The following CHCHD6 variants were observed in gnomAD, a reference collection of about 807,000 sequenced individuals.
CHCHD6 encodes MICOS complex subunit MIC25.
Under a neutral mutation model 32.3 loss-of-function variants are expected in CHCHD6, and 28 were observed. The observed-to-expected ratio is 0.87, with a 90% confidence interval of 0.64 to 1.19. The LOEUF (loss-of-function observed/expected upper bound fraction) is 1.19, where lower values mean the gene tolerates loss of function less well. Ranked by LOEUF, CHCHD6 falls within the 50% of genes most tolerant of loss-of-function variation. The probability of loss-of-function intolerance (pLI) is 0.00; values close to 1 mark genes in which losing one functional copy is unlikely to be tolerated. For synonymous variants in CHCHD6, 122 were observed against 117.5 expected (o/e 1.04, Z -0.25); for missense variants, 333 against 307.0 (o/e 1.08, Z -0.63).
chr3:126,926,216 T>C (rs1216647662), intron 6 of CHCHD6, among the ~76,000 whole-genome samples: 1 of 152,220 alleles, frequency 6.6e-6, no homozygotes, highest in African/African-American at 2.4e-5. Context: ...CCAGGGACAA[T>C]ACATGGCTGC....
chr3:126,807,208 A>G (rs115717346), intron 4 of CHCHD6, among the ~76,000 whole-genome samples: 371 of 151,892 alleles, frequency 2.4e-3, no homozygotes, highest in African/African-American at 8.5e-3. Context: ...AAAAAAAAAA[A>G]TTGTGAGACC....
chr3:126,951,445 C>T (rs1476357869), intron 6 of CHCHD6, among the ~76,000 whole-genome samples: 4 of 151,872 alleles, frequency 2.6e-5, no homozygotes, highest in South Asian at 4.2e-4. Flanking sequence ...AGAAGCTTCA[C>T]GTGGATTGGA....
chr3:126,781,084 A>G (rs1937917948), intron 4 of CHCHD6, among the ~76,000 whole-genome samples: 1 of 152,120 alleles, frequency 6.6e-6, no homozygotes, highest in Non-Finnish European at 1.5e-5. Context: ...GTTTCACTAG[A>G]TTGGGCACAG....
chr3:126,849,040 C>T lies in CHCHD6; in HGVS notation c.412-3607C>T, dbSNP rs1316426447. Among the ~76,000 whole-genome samples the T allele has an allele frequency of 2.0e-5, 3 of 152,340 alleles. No homozygotes were observed. In the East Asian group the frequency reaches 5.8e-4, roughly 29 times the overall value. ...AGTGGTCCTGGTGATATTGCAGAGC[C>T]AGGAACTGAGTGACTAGGTTCATTT... On this transcript the variant is annotated intron_variant, in intron 4 of 7. Transcript: ENST00000290913.
At chr3:126,710,102 G>A (rs2107649323) in intron 1 of CHCHD6, among the ~76,000 whole-genome samples, 1 of 152,292 alleles carries the variant, frequency 6.6e-6, no homozygotes. Context: ...ATCAATTGGT[G>A]GGTTAGATTT....
intron 4 of CHCHD6, among the ~76,000 whole-genome samples, chr3:126,798,924 G>T (rs749605721): frequency 1.3e-5 from 2 of 152,166 alleles, no homozygotes; most frequent in Non-Finnish European, 2.9e-5. Context: ...GGAATGTTCC[G>T]TTTTTCTTTC....
At chr3:126,811,696 A>G (rs1055739620) in intron 4 of CHCHD6, among the ~76,000 whole-genome samples, 7 of 152,212 alleles carry the variant, frequency 4.6e-5, no homozygotes, top group African/African-American at 1.7e-4. Context: ...TGCTTATTAA[A>G]TCCCCATGGC....
chr3:126,917,431 G>A (rs2078187880), intron 6 of CHCHD6, among the ~76,000 whole-genome samples: 1 of 152,150 alleles, frequency 6.6e-6, no homozygotes, highest in Non-Finnish European at 1.5e-5. Flanking sequence ...AGCTCTCAGA[G>A]CCTGCCCGGG....
chr3:126,897,279 T>C (rs1297862105), intron 5 of CHCHD6, among the ~76,000 whole-genome samples: 1 of 152,148 alleles, frequency 6.6e-6, no homozygotes, highest in Non-Finnish European at 1.5e-5. Flanking sequence ...CTAAGTACTA[T>C]GACCATGGAC....
chr3:126,710,827 T>C (rs898114730), intron 1 of CHCHD6, among the ~76,000 whole-genome samples: 1 of 152,190 alleles, frequency 6.6e-6, no homozygotes, highest in African/African-American at 2.4e-5. Flanking sequence ...GTAGGGTTTT[T>C]CTTGGGGTGG....
chr3:126,929,562 ACT>A (rs1312086717), intron 6 of CHCHD6, among the ~76,000 whole-genome samples: 1 of 147,438 alleles, frequency 6.8e-6, no homozygotes, highest in Non-Finnish European at 1.5e-5. Context: ...ATCTCTCTCA[ACT>A]CTCTCTCTCT....
chr3:126,807,014 C>T (rs1339835482), intron 4 of CHCHD6, among the ~76,000 whole-genome samples: 3 of 126,178 alleles, frequency 2.4e-5, no homozygotes, highest in Non-Finnish European at 4.6e-5. Flanking sequence ...CACATGGACA[C>T]AGGAAGGGGA....
chr3:126,722,885 G>C (rs1219617923), intron 1 of CHCHD6, among the ~76,000 whole-genome samples: 1 of 152,094 alleles, frequency 6.6e-6, no homozygotes, highest in Non-Finnish European at 1.5e-5. Context: ...CCAAAGCCAA[G>C]GTCATAATGA....
chr3:126,902,815 C>T (rs1452794762), intron 5 of CHCHD6, among the ~76,000 whole-genome samples: 1 of 151,972 alleles, frequency 6.6e-6, no homozygotes, highest in African/African-American at 2.4e-5. Flanking sequence ...CACACATGGA[C>T]CACCTGCAGG....
intron 5 of CHCHD6, chr3:126,865,562 C>T: frequency 2.0e-6 from 2 of 985,348 alleles, no homozygotes; most frequent in Non-Finnish European, 2.4e-6. Flanking sequence ...TGCACTTCTG[C>T]AACCTCTGCT....
intron 4 of CHCHD6, among the ~76,000 whole-genome samples, chr3:126,805,318 A>G (rs1468260091): frequency 6.6e-6 from 1 of 151,904 alleles, no homozygotes; most frequent in Non-Finnish European, 1.5e-5. Flanking sequence ...TCTCAGCCCA[A>G]AATCTCCTTA....
chr3:126,777,447 G>A (rs980701775), intron 4 of CHCHD6, among the ~76,000 whole-genome samples: 5 of 152,182 alleles, frequency 3.3e-5, no homozygotes, highest in Non-Finnish European at 7.3e-5. Flanking sequence ...TGAAATAGCC[G>A]CTTGTGTTTT....
intron 4 of CHCHD6, among the ~76,000 whole-genome samples, chr3:126,763,263 T>TTCCCC (rs1054973431): frequency 2.0e-5 from 3 of 150,458 alleles, no homozygotes; most frequent in African/African-American, 7.4e-5. Flanking sequence ...CTTCCTTTCC[T>TTCCCC]TCCCCTCCCC....
At chr3:126,801,865 AC>A (rs965897386) in intron 4 of CHCHD6, among the ~76,000 whole-genome samples, 36 of 152,126 alleles carry the variant, frequency 2.4e-4, no homozygotes, top group Non-Finnish European at 2.9e-5. Context: ...CTGAGACAAA[AC>A]TTCCAGAGGA....
Sources: gnomAD v4.1 joint callset for allele counts (sites outside exome capture counted in the v4.1 genomes callset) on GRCh38, gnomAD v4.1.1 for gene constraint, MANE v1.5 for transcripts, NCBI Gene and HGNC (gene_info 2026-07-23, HGNC 2026-07-21) for gene names.